Variants in RBM38 observed in about 807,000 individuals in gnomAD.
RBM38 encodes RNA-binding protein 38.
A neutral mutation model predicts 23.5 loss-of-function variants in RBM38; 11 were observed. That is an observed-to-expected ratio of 0.47 (90% CI 0.29 to 0.77). The LOEUF (loss-of-function observed/expected upper bound fraction) is 0.77, where lower values mean the gene tolerates loss of function less well. Ranked by LOEUF, RBM38 falls within the 30% of genes least tolerant of loss-of-function variation. RBM38 has a pLI of 0.08. For synonymous variants in RBM38, 165 were observed against 166.1 expected (o/e 0.99, Z 0.05); for missense variants, 330 against 351.9 (o/e 0.94, Z 0.50).
intron 3 of RBM38, chr20:57,399,845 C>G (rs181404273): frequency 4.4e-6 from 2 of 455,834 alleles, no homozygotes; most frequent in East Asian, 6.9e-5. Context: ...AGCTGCGGTC[C>G]GTCTCTGCCG....
In RBM38 at chr20:57,391,728, G is replaced by A. The variant is rs370746871; in HGVS notation, c.147G>A (p.Ser49=). 8 of 1,553,812 alleles carry A rather than the reference G, an allele frequency of 5.1e-6. No homozygotes were observed. Among genetic ancestry groups the A allele is most frequent in the Admixed American group, 1.9e-5 (1 of 53,516 alleles). Reference sequence around the variant, plus strand: ...TGCCGTACCACACTACCGACGCCTCGCTCAGGAAGTACTTCGAGGGCTTCG... The same window carrying A: ...TGCCGTACCACACTACCGACGCCTCACTCAGGAAGTACTTCGAGGGCTTCG... ...GGLPYHTTDA[S]LRKYFEGFGD... The change falls in exon 1 of 4, where the codon TCG becomes TCA. Residue 49 remains serine (S), a synonymous_variant. Transcript: ENST00000356208.
At chr20:57,399,037 G>A (rs12625200) in intron 3 of RBM38, among the ~76,000 whole-genome samples, 1 of 152,228 alleles carries the variant, frequency 6.6e-6, no homozygotes, top group South Asian at 2.1e-4. Context: ...GGGAGACCCG[G>A]TCCCAGCTCC....
intron 1 of RBM38, 128 bp from the exon 2 acceptor site, chr20:57,392,526 T>TGG: frequency 1.3e-6 from 2 of 1,522,542 alleles, no homozygotes; most frequent in Non-Finnish European, 1.8e-6. Flanking sequence ...TCAAGGACCC[T>TGG]GGGTCACAGG....
At chr20:57,400,749 C>T (rs1229870729) in intron 3 of RBM38, among the ~76,000 whole-genome samples, 1 of 152,086 alleles carries the variant, frequency 6.6e-6, no homozygotes, top group Admixed American at 6.5e-5. Context: ...GTGCAAGACC[C>T]TTCTCTGGGG....
chr20:57,397,433 C>T (rs191074462), intron 3 of RBM38, among the ~76,000 whole-genome samples: 9 of 152,206 alleles, frequency 5.9e-5, no homozygotes, highest in Admixed American at 2.0e-4. Flanking sequence ...CACAAGGCCT[C>T]GAGACTGATG....
At chr20:57,392,566 G>C in intron 1 of RBM38, 88 bp from the exon 2 acceptor site, 1 of 1,518,194 alleles carries the variant, frequency 6.6e-7, no homozygotes, top group Non-Finnish European at 8.9e-7. Flanking sequence ...GAGAGGGGTG[G>C]CAGCATCCGG....
chr20:57,392,131 C>T (rs2067225538), intron 1 of RBM38: 1 of 229,366 alleles, frequency 4.4e-6, no homozygotes, highest in East Asian at 1.6e-4. Context: ...CTCGGGATTT[C>T]CTGGAGCAGC....
At chr20:57,392,029 CA>C (rs2146198707) in intron 1 of RBM38, among the ~76,000 whole-genome samples, 1 of 129,948 alleles carries the variant, frequency 7.7e-6, no homozygotes, top group East Asian at 2.3e-4. Flanking sequence ...CCCCCACCCC[CA>C]CCCCCACCCC....
At chr20:57,403,248 C>T (rs971592144) in intron 3 of RBM38, among the ~76,000 whole-genome samples, 1 of 152,214 alleles carries the variant, frequency 6.6e-6, no homozygotes, top group Non-Finnish European at 1.5e-5. Flanking sequence ...TAGGACCCAA[C>T]TTACAGATGA....
intron 3 of RBM38, among the ~76,000 whole-genome samples, chr20:57,403,944 T>C (rs1216504542): frequency 6.6e-6 from 1 of 152,204 alleles, no homozygotes; most frequent in South Asian, 2.1e-4. Context: ...AAATGCTTCG[T>C]AAGTTATCCC....
chr20:57,403,063 C>T (rs983196524), intron 3 of RBM38, among the ~76,000 whole-genome samples: 2 of 152,190 alleles, frequency 1.3e-5, no homozygotes, highest in Non-Finnish European at 2.9e-5. Flanking sequence ...GGCCTCGACC[C>T]CTAATGTCAG....
intron 3 of RBM38, among the ~76,000 whole-genome samples, chr20:57,406,284 C>G (rs1275842063): frequency 6.6e-6 from 1 of 152,204 alleles, no homozygotes; most frequent in Non-Finnish European, 1.5e-5. Flanking sequence ...CCCTGAGCCT[C>G]ATTTCCCCCT....
At chr20:57,405,640 C>T (rs539754010) in intron 3 of RBM38, among the ~76,000 whole-genome samples, 3 of 152,366 alleles carry the variant, frequency 2.0e-5, no homozygotes, top group Admixed American at 6.5e-5. Flanking sequence ...GAGGCCCTGT[C>T]GTCCAGGTTT....
intron 3 of RBM38, among the ~76,000 whole-genome samples, chr20:57,398,840 C>T (rs930282451): frequency 6.6e-6 from 1 of 152,226 alleles, no homozygotes; most frequent in African/African-American, 2.4e-5. Context: ...GAGCTTTCCT[C>T]GTTTAGCCTC....
chr20:57,393,888 C>G (rs1214533313), intron 3 of RBM38, among the ~76,000 whole-genome samples: 1 of 152,094 alleles, frequency 6.6e-6, no homozygotes, highest in Admixed American at 6.6e-5. Context: ...TAGTCTGACT[C>G]ATTTACAAGC....
intron 3 of RBM38, among the ~76,000 whole-genome samples, chr20:57,396,157 G>A (rs989363952): frequency 3.9e-5 from 6 of 152,208 alleles, no homozygotes; most frequent in South Asian, 2.1e-4. Flanking sequence ...GCTATTTGCC[G>A]GAGTTTCCTT....
intron 3 of RBM38, among the ~76,000 whole-genome samples, chr20:57,398,626 G>A (rs1226043483): frequency 2.0e-5 from 3 of 152,268 alleles, no homozygotes; most frequent in Non-Finnish European, 4.4e-5. Context: ...CCTCCTGGGC[G>A]GGCGCCCGTG....
intron 3 of RBM38, among the ~76,000 whole-genome samples, chr20:57,403,827 G>A (rs975443159): frequency 1.6e-4 from 24 of 152,196 alleles, no homozygotes; most frequent in Non-Finnish European, 2.4e-4. Flanking sequence ...TCGCCATGTT[G>A]GCTAGGCTGG....
At chr20:57,403,965 C>T (rs1488984401) in intron 3 of RBM38, among the ~76,000 whole-genome samples, 7 of 152,222 alleles carry the variant, frequency 4.6e-5, no homozygotes, top group South Asian at 2.1e-4. Context: ...AGGCCCTTTA[C>T]GTACAGAAAG....
Sources: gnomAD v4.1 joint callset for allele counts (sites outside exome capture counted in the v4.1 genomes callset) on GRCh38, gnomAD v4.1.1 for gene constraint, MANE v1.5 for transcripts, NCBI Gene and HGNC (gene_info 2026-07-23, HGNC 2026-07-21) for gene names.